MYH15: variants seen among roughly 807,000 people sequenced by gnomAD.
MYH15 encodes the protein myosin heavy chain 15.
A neutral mutation model predicts 240.5 loss-of-function variants in MYH15; 227 were observed. The ratio of observed to expected loss-of-function variants is 0.94; its 90% CI spans 0.85 to 1.05. The LOEUF (loss-of-function observed/expected upper bound fraction) is 1.05. MYH15 is among the 50% of genes least tolerant of loss of function. MYH15 has a pLI of 0.00. For missense variants in MYH15, 2,217 were observed against 2,247.5 expected (o/e 0.99, Z 0.27); for synonymous variants, 785 against 796.7 (o/e 0.99, Z 0.25).
At chr3:108,542,328 G>A in the MYH15 span, among the ~76,000 whole-genome samples, 272 of 152,180 alleles carry the variant, frequency 1.8e-3, no homozygotes, top group African/African-American at 5.6e-3. Flanking sequence ...CAAAATGAAT[G>A]TCATGTACCC....
intron 35 of MYH15, among the ~76,000 whole-genome samples, chr3:108,395,537 A>T (rs2082453031): frequency 6.6e-6 from 1 of 152,102 alleles, no homozygotes; most frequent in Admixed American, 6.5e-5. Context: ...TACAAATACT[A>T]ATTTGTTTGT....
intron 21 of MYH15, among the ~76,000 whole-genome samples, chr3:108,448,582 T>A (rs1323934361): frequency 6.6e-6 from 1 of 151,968 alleles, no homozygotes; most frequent in African/African-American, 2.4e-5. Flanking sequence ...AGATTTAACA[T>A]CCATCCATTC....
chr3:108,392,663 A>T (rs189449432), intron 36 of MYH15, among the ~76,000 whole-genome samples: 3 of 152,338 alleles, frequency 2.0e-5, no homozygotes, highest in Admixed American at 2.0e-4. Context: ...AATGAATTAC[A>T]TTCTGTGATG....
Position 108,510,511 on chromosome 3 carries a change from C to T in MYH15, c.20G>A (p.Gly7Glu). 1 of 1,613,366 alleles carries T rather than the reference C, an allele frequency of 6.2e-7. No individual in the cohort carries two copies. Among genetic ancestry groups the T allele is most frequent in the Non-Finnish European group, 8.5e-7 (1 of 1,179,686 alleles). MDLSDL[G>E]EAAAFLRRSE... ...TCTTCTGAGGAAGGCTGCGGCTTCT[C>T]CAAGGTCTGACAGATCCATCTTTAT... is the stretch of plus-strand genomic sequence containing the variant. Residue 7 changes from glycine to glutamate, a missense_variant, in exon 1 of 41, where the codon GGA becomes GAA. Transcript: ENST00000693548.
intron 1 of MYH15, among the ~76,000 whole-genome samples, chr3:108,522,043 G>A (rs536028345): frequency 3.7e-4 from 57 of 152,270 alleles, no homozygotes; most frequent in African/African-American, 1.3e-3. Flanking sequence ...GTTTTAAGAG[G>A]GGTTTAGTTT....
At chr3:108,497,299 T>C (rs2107231643) in intron 6 of MYH15, among the ~76,000 whole-genome samples, 1 of 152,064 alleles carries the variant, frequency 6.6e-6, no homozygotes, top group Non-Finnish European at 1.5e-5. Context: ...ATATATTTCT[T>C]ACTTTGCAAA....
At chr3:108,504,103 TA>T (rs1439623049) in intron 2 of MYH15, among the ~76,000 whole-genome samples, 1 of 152,188 alleles carries the variant, frequency 6.6e-6, no homozygotes, top group Non-Finnish European at 1.5e-5. Context: ...TAGGCAAATC[TA>T]TAGAGTTAGA....
Position 108,398,556 on chromosome 3 carries a change from T to C in MYH15, c.5133+81A>G, listed in dbSNP as rs939842724. ...CAAGACTTAACAGGGCGACTGTGCA[T>C]GGTCCAAGGCCGCCCCAAGTGTGGG... On this transcript the variant is annotated intron_variant, in intron 35 of 40. Transcript: ENST00000693548. 6.5e-6 allele frequency: 9 copies of C among 1,375,618 alleles called. No homozygotes were observed. The African/African-American group carries it at 1.0e-4, about 15-fold the overall frequency. 85.2% of individuals were successfully genotyped at this position (1,375,618 alleles called of 1,614,324 possible).
intron 5 of MYH15, among the ~76,000 whole-genome samples, chr3:108,498,846 AAGGT>A (rs1326754188): frequency 6.6e-6 from 1 of 152,206 alleles, no homozygotes; most frequent in Non-Finnish European, 1.5e-5. Flanking sequence ...ATTGCATGGG[AAGGT>A]AAAGGACTTT....
rs138471217 is a variant in MYH15, at chr3:108,462,387, C to G, written c.1864+724G>C. Among the ~76,000 whole-genome samples the G allele has an allele frequency of 2.5e-3, 375 of 152,092 alleles. 3 individuals are homozygous for G. Among genetic ancestry groups the G allele is most frequent in the African/African-American group, 8.6e-3 (358 of 41,504 alleles). ...AACAGAAGTCTATCTTTCTACCTAG[C>G]CTTTTGCCATATAGTAGATTTGTAA... is the stretch of plus-strand genomic sequence containing the variant. On this transcript the variant is annotated intron_variant, in intron 16 of 40. Coordinates refer to ENST00000693548, the MANE Select transcript of MYH15 (RefSeq NM_014981.3).
chr3:108,547,400 T>C, the MYH15 span, among the ~76,000 whole-genome samples: 3 of 152,154 alleles, frequency 2.0e-5, no homozygotes, highest in Non-Finnish European at 4.4e-5. Context: ...GTAATACTCA[T>C]TTAATATTTA....
In MYH15 at chr3:108,465,725, G is replaced by A. The variant is rs570878961; in HGVS notation, c.1555-911C>T. Among the ~76,000 whole-genome samples the A allele has an allele frequency of 3.1e-3, 466 of 152,194 alleles. 4 individuals are homozygous for A. The highest frequency in any genetic ancestry group is 3.5e-3 in the Non-Finnish European group (241 of 67,996). On this transcript the variant is annotated intron_variant, in intron 14 of 40. Coordinates refer to ENST00000693548, the MANE Select transcript of MYH15 (RefSeq NM_014981.3). The stretch of plus-strand genomic sequence containing the variant: ...GCAGATCACCTGAGATCAGGAGTTC[G>A]AGACCAGCCTGGCCAACACGGTAAA...
chr3:108,465,002 A>G (rs1307548621), intron 14 of MYH15, among the ~76,000 whole-genome samples, 188 bp from the exon 15 acceptor site: 5 of 152,232 alleles, frequency 3.3e-5, no homozygotes, highest in African/African-American at 1.2e-4. Context: ...CGATACCAAT[A>G]GCCGCTGGTG....
chr3:108,439,955 A>C, intron 23 of MYH15, 42 bp from the exon 24 acceptor site: 1 of 1,490,288 alleles, frequency 6.7e-7, no homozygotes, highest in Non-Finnish European at 9.0e-7. Flanking sequence ...CCACTGCTGG[A>C]AAGTTGGGCA....
intron 14 of MYH15, 73 bp downstream of exon 14, chr3:108,469,969 G>T: frequency 1.4e-6 from 2 of 1,465,068 alleles, no homozygotes; most frequent in South Asian, 2.6e-5. Context: ...CCTAAGTCCT[G>T]ACATGGATCA....
Position 108,470,863 on chromosome 3 carries a change from A to G in MYH15, c.1234-16T>C, listed in dbSNP as rs34103044. On this transcript the variant is annotated splice_polypyrimidine_tract_variant and intron_variant, in intron 12 of 40. Transcript: ENST00000693548. ...CACAGGTTACCTAGAAATCACATTG[A>G]AAACACTCCTTCATCTGACTGAAGT... The G allele has an allele frequency of 0.082, 132,599 of 1,611,812 alleles. 5,954 individuals are homozygous for G. The highest frequency in any genetic ancestry group is 0.15 in the African/African-American group (11,206 of 74,872).
intron 23 of MYH15, 84 bp downstream of exon 23, chr3:108,440,934 T>A: frequency 6.5e-7 from 1 of 1,528,982 alleles, no homozygotes; most frequent in South Asian, 1.2e-5. Context: ...TTAACTTGAA[T>A]AGAGCAAGTC....
rs369000963 is a variant in MYH15, at chr3:108,422,366, C to T, written c.3703-1152G>A. Among the ~76,000 whole-genome samples, 101 of 152,054 alleles carry T rather than the reference C, an allele frequency of 6.6e-4. 2 individuals carry two copies. The South Asian group carries it at 0.02, about 31-fold the overall frequency. On this transcript the variant is annotated intron_variant, in intron 27 of 40. Coordinates refer to ENST00000693548, the MANE Select transcript of MYH15 (RefSeq NM_014981.3). Reference sequence around the variant, plus strand: ...CTGAGTAGGTGGGATTATAGGCATGCGCCACCATGCCCAGCTAATTTTTGT... The same window carrying T: ...CTGAGTAGGTGGGATTATAGGCATGTGCCACCATGCCCAGCTAATTTTTGT...
At chr3:108,510,620 A>T (rs2083515226), upstream of MYH15, 3 of 1,587,844 alleles carry the variant, frequency 1.9e-6, no homozygotes, top group African/African-American at 4.1e-5. Context: ...GAGAAGAAAA[A>T]AGTGGAAATA....
Sources: gnomAD v4.1 joint callset for allele counts (sites outside exome capture counted in the v4.1 genomes callset) on GRCh38, gnomAD v4.1.1 for gene constraint, MANE v1.5 for transcripts, NCBI Gene and HGNC (gene_info 2026-07-23, HGNC 2026-07-21) for gene names.